The following KCTD8 variants were observed in gnomAD, a reference collection of about 807,000 sequenced individuals.
KCTD8 encodes potassium channel tetramerization domain containing 8, also known as BTB/POZ domain-containing protein KCTD8.
In KCTD8, 27 loss-of-function variants were observed where a neutral mutation model predicts 31.5. That is an observed-to-expected ratio of 0.86 (90% CI 0.63 to 1.18). The LOEUF (loss-of-function observed/expected upper bound fraction) is 1.18. Among genes scored for constraint, KCTD8 ranks in the 50% most tolerant of loss-of-function variants. The pLI, the probability that KCTD8 is intolerant of heterozygous loss-of-function variation, is 0.00. For synonymous variants in KCTD8, 290 were observed against 280.0 expected (o/e 1.04, Z -0.36); for missense variants, 658 against 647.7 (o/e 1.02, Z -0.17).
intron 1 of KCTD8, among the ~76,000 whole-genome samples, chr4:44,343,377 C>T (rs1024893968): frequency 1.3e-5 from 2 of 152,104 alleles, no homozygotes; most frequent in East Asian, 1.9e-4. Context: ...AGCTCACTGT[C>T]TTCTATGGGC....
At chr4:44,389,684 T>C (rs1310142385) in intron 1 of KCTD8, among the ~76,000 whole-genome samples, 1 of 151,846 alleles carries the variant, frequency 6.6e-6, no homozygotes, top group Non-Finnish European at 1.5e-5. Flanking sequence ...ACAATATAAA[T>C]GCACTTAACA....
In KCTD8 at chr4:44,415,341, C is replaced by T. The variant is rs985255262; in HGVS notation, c.961+32222G>A. The stretch of plus-strand genomic sequence containing the variant: ...AGAGCAAAAACATTTGAAAAATTTG[C>T]AGGCTGGCCCTGTGGTAGAGAAAGA... On this transcript the variant is annotated intron_variant, in intron 1 of 1. Coordinates refer to ENST00000360029, the MANE Select transcript of KCTD8 (RefSeq NM_198353.3). Among the ~76,000 whole-genome samples, 6 of 152,282 alleles carry T rather than the reference C, an allele frequency of 3.9e-5. No individual in the cohort carries two copies. In the East Asian group the frequency reaches 1.2e-3, roughly 30 times the overall value.
rs1396363730 is a variant in KCTD8, at chr4:44,448,709, C to A, written c.-186G>T. 6.3e-6 allele frequency: 3 copies of A among 479,910 alleles called. No homozygotes were observed. Among genetic ancestry groups the A allele is most frequent in the Non-Finnish European group, 9.9e-6 (3 of 302,700 alleles). 29.7% of individuals were successfully genotyped at this position (479,910 alleles called of 1,614,324 possible). A position where few individuals can be genotyped will look rare whatever the true frequency, so the allele number is the denominator to read the frequency against. ...GGCGTCGGCGGCGCCCGAGCTCCATCGGAGGAGAGACGCGCGAGAGAGGAG... is the reference window on the plus strand; with the variant it reads ...GGCGTCGGCGGCGCCCGAGCTCCATAGGAGGAGAGACGCGCGAGAGAGGAG... On this transcript the variant is annotated 5_prime_UTR_variant, in exon 1 of 2. Coordinates refer to ENST00000360029, the MANE Select transcript of KCTD8 (RefSeq NM_198353.3). This position sits in a 1 kb window ranked among gnomAD's most constrained non-coding sequence, Gnocchi z 4.1.
intron 1 of KCTD8, among the ~76,000 whole-genome samples, chr4:44,310,814 C>T (rs1717929337): frequency 6.6e-6 from 1 of 152,090 alleles, no homozygotes; most frequent in Non-Finnish European, 1.5e-5. Flanking sequence ...TATAAGAAAT[C>T]TGTTTTTATT....
intron 1 of KCTD8, among the ~76,000 whole-genome samples, chr4:44,260,731 G>A (rs1716136601): frequency 1.3e-5 from 2 of 151,930 alleles, no homozygotes; most frequent in Admixed American, 6.6e-5. Flanking sequence ...AAGGAGAAGA[G>A]TAATGGAAAA....
At chr4:44,211,656 A>G (rs1161445254) in intron 1 of KCTD8, among the ~76,000 whole-genome samples, 1 of 152,154 alleles carries the variant, frequency 6.6e-6, no homozygotes, top group East Asian at 1.9e-4. Flanking sequence ...TGGTCGACAT[A>G]TACAAGAATT....
intron 1 of KCTD8, among the ~76,000 whole-genome samples, chr4:44,367,876 C>CA (rs11424950): frequency 0.4 from 58,426 of 145,396 alleles, 11,464 homozygotes; most frequent in Admixed American, 0.46. Context: ...ATGATAGGAC[C>CA]AAAAAAAAAA....
chr4:44,253,006 C>T (rs187856098), intron 1 of KCTD8, among the ~76,000 whole-genome samples: 2 of 151,720 alleles, frequency 1.3e-5, no homozygotes, highest in African/African-American at 2.4e-5. Context: ...CACTGAATGG[C>T]TGAAAATTAT....
chr4:44,344,368 T>C (rs1718986480), intron 1 of KCTD8, among the ~76,000 whole-genome samples: 1 of 152,054 alleles, frequency 6.6e-6, no homozygotes, highest in Non-Finnish European at 1.5e-5. Context: ...CATTTTTTTG[T>C]AGAAATTGGG....
At chr4:44,250,597 G>A (rs1048778218) in intron 1 of KCTD8, among the ~76,000 whole-genome samples, 4 of 151,686 alleles carry the variant, frequency 2.6e-5, no homozygotes, top group African/African-American at 2.4e-5. Context: ...TGTTGTTTAC[G>A]CATGAAACTT....
At chr4:44,426,289 A>G (rs1188299566) in intron 1 of KCTD8, among the ~76,000 whole-genome samples, 1 of 150,374 alleles carries the variant, frequency 6.7e-6, no homozygotes, top group Non-Finnish European at 1.5e-5. Context: ...GAAGCTAGTA[A>G]AAACCAATAG....
intron 1 of KCTD8, among the ~76,000 whole-genome samples, chr4:44,371,136 T>C (rs1247453307): frequency 1.3e-5 from 2 of 152,048 alleles, no homozygotes; most frequent in Admixed American, 1.3e-4. Flanking sequence ...ATACAGTGAA[T>C]GTTACAGTTC....
chr4:44,274,035 T>TA (rs1339859914), intron 1 of KCTD8, among the ~76,000 whole-genome samples: 1 of 151,942 alleles, frequency 6.6e-6, no homozygotes, highest in African/African-American at 2.4e-5. Flanking sequence ...TTTCTAAATT[T>TA]AAAAAAGATT....
chr4:44,202,813 T>C (rs1714189117), intron 1 of KCTD8, among the ~76,000 whole-genome samples: 1 of 152,110 alleles, frequency 6.6e-6, no homozygotes, highest in Non-Finnish European at 1.5e-5. Flanking sequence ...ATAAAAATAA[T>C]ACTTGCATTG....
chr4:44,366,104 G>A (rs1438845108), intron 1 of KCTD8, among the ~76,000 whole-genome samples: 1 of 152,140 alleles, frequency 6.6e-6, no homozygotes, highest in African/African-American at 2.4e-5. Context: ...TTTGTTGGGT[G>A]CAAAGATAGT....
At chr4:44,177,875 T>G (rs1713263954) in intron 1 of KCTD8, among the ~76,000 whole-genome samples, 1 of 152,188 alleles carries the variant, frequency 6.6e-6, no homozygotes, top group Non-Finnish European at 1.5e-5. Flanking sequence ...TTAAATGTTA[T>G]TAAATGTCCC....
At chr4:44,196,332 T>C (rs561827091) in intron 1 of KCTD8, among the ~76,000 whole-genome samples, 2 of 152,310 alleles carry the variant, frequency 1.3e-5, no homozygotes, top group South Asian at 2.1e-4. Context: ...AGAATACAAA[T>C]AAAATGTTAA....
rs1721978540 is a variant in KCTD8, at chr4:44,447,691, T to C, written c.833A>G (p.Gln278Arg). The C allele has an allele frequency of 6.2e-7, 1 of 1,612,556 alleles. No individual in the cohort carries two copies. The highest frequency in any genetic ancestry group is 1.1e-5 in the South Asian group (1 of 90,764). Residue 278 changes from glutamine to arginine, a missense_variant, in exon 1 of 2, where the codon CAG becomes CGG. By Grantham distance (43) the Gln-to-Arg change is conservative (BLOSUM62 1). Transcript: ENST00000360029. Reference sequence around the variant, plus strand: ...GGCCTCGGACAGGCGATCAAAGGCCTGCTCCAAGTAGGTGAACTTGAGGTA... The same window carrying C: ...GGCCTCGGACAGGCGATCAAAGGCCCGCTCCAAGTAGGTGAACTTGAGGTA... Reference protein sequence around the residue: ...RFYLKFTYLEQAFDRLSEAGF... With the variant: ...RFYLKFTYLERAFDRLSEAGF...
chr4:44,191,486 G>A (rs1297860496), intron 1 of KCTD8, among the ~76,000 whole-genome samples: 1 of 152,168 alleles, frequency 6.6e-6, no homozygotes, highest in Non-Finnish European at 1.5e-5. Context: ...ATAAATGGAT[G>A]TGCAAGTAGG....
Sources: gnomAD v4.1 joint callset for allele counts (sites outside exome capture counted in the v4.1 genomes callset) on GRCh38, gnomAD v4.1.1 for gene constraint, Gnocchi (gnomAD v3.1) non-coding constraint, MANE v1.5 for transcripts, NCBI Gene and HGNC (gene_info 2026-07-23, HGNC 2026-07-21) for gene names.